OR7E24: variants seen among roughly 807,000 people sequenced by gnomAD.
The protein encoded by OR7E24 is olfactory receptor 7E24.
For synonymous variants in OR7E24, 130 were observed against 157.5 expected, an observed-to-expected ratio of 0.83 and a Z score of 1.31; for missense variants, 385 against 410.3, an observed-to-expected ratio of 0.94 and a Z score of 0.53.
chr19:9,235,277 T>C, the OR7E24 span: 4 of 1,329,702 alleles, frequency 3.0e-6, no homozygotes, highest in Admixed American at 3.4e-5. Context: ...AACCTACTCA[T>C]CATCCTGGCC....
At chr19:9,225,295 G>C in the OR7E24 span, among the ~76,000 whole-genome samples, 3 of 151,822 alleles carry the variant, frequency 2.0e-5, no homozygotes, top group Non-Finnish European at 2.9e-5. Flanking sequence ...GCTTGAACCT[G>C]GGAGGCAGAG....
Position 9,252,206 on chromosome 19 carries a change from G to A in OR7E24, c.*143G>A. The A allele has an allele frequency of 3.1e-6, 2 of 643,094 alleles. No individual in the cohort carries two copies. Among genetic ancestry groups the A allele is most frequent in the East Asian group, 2.8e-5 (1 of 36,078 alleles). The allele number at this position is 643,094 out of a possible 1,614,324, so 39.8% of individuals were successfully genotyped here. A position where few individuals can be genotyped will look rare whatever the true frequency, so the allele number is the denominator to read the frequency against. ...TGTTTTGTCTTTAATTGCAATGGGT[G>A]AGTATTCTGGTATCCTTTGTTCATC... is the stretch of plus-strand genomic sequence containing the variant. On this transcript the variant is annotated 3_prime_UTR_variant, in exon 1 of 1. Coordinates refer to ENST00000456448, the MANE Select transcript of OR7E24 (RefSeq NM_001079935.2).
chr19:9,220,676 G>T, the OR7E24 span, among the ~76,000 whole-genome samples: 1 of 152,162 alleles, frequency 6.6e-6, no homozygotes, highest in Non-Finnish European at 1.5e-5. Context: ...ATAAACATGG[G>T]AGTGCGATAT....
the OR7E24 span, chr19:9,208,922 C>T: frequency 6.6e-6 from 1 of 152,242 alleles, no homozygotes; most frequent in Non-Finnish European, 1.5e-5. Context: ...GAACTCCTGA[C>T]CTCAAGTGAG....
At chr19:9,239,372 C>A in the OR7E24 span, among the ~76,000 whole-genome samples, 1 of 152,066 alleles carries the variant, frequency 6.6e-6, no homozygotes, top group African/African-American at 2.4e-5. Context: ...CGGGGCTTCA[C>A]CGTGTTAGCC....
At chr19:9,232,216 T>A in the OR7E24 span, among the ~76,000 whole-genome samples, 3 of 152,120 alleles carry the variant, frequency 2.0e-5, no homozygotes, top group East Asian at 5.8e-4. Flanking sequence ...AGGCTCCATC[T>A]TCCTTTTGTC....
chr19:9,227,304 A>G, the OR7E24 span, among the ~76,000 whole-genome samples: 279 of 150,114 alleles, frequency 1.9e-3, 1 homozygote, highest in African/African-American at 6.5e-3. Flanking sequence ...ATCTCGGCTC[A>G]CTGCAACCTC....
chr19:9,213,889 C>A, the OR7E24 span: 1 of 1,603,260 alleles, frequency 6.2e-7, no homozygotes, highest in Non-Finnish European at 8.5e-7. Flanking sequence ...AGTTCTGAGG[C>A]CCTGATTTGT....
At chr19:9,236,313 C>G in the OR7E24 span, among the ~76,000 whole-genome samples, 1 of 152,038 alleles carries the variant, frequency 6.6e-6, no homozygotes, top group Non-Finnish European at 1.5e-5. Context: ...GAGATCGAGA[C>G]CATCCTGGCC....
the OR7E24 span, among the ~76,000 whole-genome samples, chr19:9,225,648 C>T: frequency 2.0e-5 from 3 of 152,092 alleles, no homozygotes; most frequent in South Asian, 4.1e-4. Context: ...ATCCTATTGG[C>T]CTCTCTTCCC....
At chr19:9,219,970 T>C in the OR7E24 span, among the ~76,000 whole-genome samples, 13 of 152,310 alleles carry the variant, frequency 8.5e-5, no homozygotes, top group East Asian at 2.3e-3. Flanking sequence ...GAAGAGTCTT[T>C]GGAGATTTTA....
At chr19:9,209,108 A>G in the OR7E24 span, 1 of 152,118 alleles carries the variant, frequency 6.6e-6, no homozygotes, top group African/African-American at 2.4e-5. Context: ...TTGTGATGGG[A>G]AATGTTTGGA....
chr19:9,216,189 C>G, the OR7E24 span, among the ~76,000 whole-genome samples: 1 of 152,162 alleles, frequency 6.6e-6, no homozygotes, highest in Non-Finnish European at 1.5e-5. Flanking sequence ...TGAGATCTGC[C>G]ACCCCCTGCA....
At chr19:9,229,940 G>C in the OR7E24 span, among the ~76,000 whole-genome samples, 1 of 142,980 alleles carries the variant, frequency 7.0e-6, no homozygotes, top group South Asian at 2.1e-4. Flanking sequence ...GACCCAACAA[G>C]GGCTGCTGGG....
chr19:9,208,048 T>A, the OR7E24 span: 2 of 152,114 alleles, frequency 1.3e-5, no homozygotes, highest in African/African-American at 4.8e-5. Context: ...TATTTTTTTT[T>A]TTTTTTGAGA....
chr19:9,231,483 G>A, the OR7E24 span, among the ~76,000 whole-genome samples: 1 of 152,142 alleles, frequency 6.6e-6, no homozygotes, highest in Admixed American at 6.5e-5. Flanking sequence ...GGGAGGCTGC[G>A]GCAGGAGAAT....
chr19:9,207,718 T>TC, the OR7E24 span: 1 of 152,394 alleles, frequency 6.6e-6, no homozygotes, highest in Admixed American at 6.5e-5. Context: ...TCTGTTCCCT[T>TC]CCCGCCTTTC....
the OR7E24 span, among the ~76,000 whole-genome samples, chr19:9,224,792 C>T: frequency 6.6e-6 from 1 of 151,758 alleles, no homozygotes; most frequent in East Asian, 2.0e-4. Context: ...GAGAGAGATT[C>T]CATAGATGCA....
At chr19:9,216,965 A>G in the OR7E24 span, among the ~76,000 whole-genome samples, 1 of 152,144 alleles carries the variant, frequency 6.6e-6, no homozygotes, top group Non-Finnish European at 1.5e-5. Flanking sequence ...TATCCCCCTT[A>G]CATGGGGCAG....
Sources: gnomAD v4.1 joint callset for allele counts (sites outside exome capture counted in the v4.1 genomes callset) on GRCh38, gnomAD v4.1.1 for gene constraint, MANE v1.5 for transcripts, NCBI Gene and HGNC (gene_info 2026-07-23, HGNC 2026-07-21) for gene names.